KLHL32: variants seen among roughly 807,000 people sequenced by gnomAD.
KLHL32 encodes kelch-like protein 32.
KLHL32 carries 35 observed loss-of-function variants against 64.8 expected under a neutral mutation model. The ratio of observed to expected loss-of-function variants is 0.54; its 90% CI spans 0.41 to 0.72. The LOEUF (loss-of-function observed/expected upper bound fraction) is 0.72. KLHL32 is among the 30% of genes least tolerant of loss of function. The pLI is 0.00. For missense variants in KLHL32, 589 were observed against 768.5 expected, an observed-to-expected ratio of 0.77 and a Z score of 2.76; for synonymous variants, 259 against 281.0, an observed-to-expected ratio of 0.92 and a Z score of 0.78.
intron 3 of KLHL32, chr6:96,999,536 C>A (rs1280300983): frequency 1.0e-6 from 1 of 979,256 alleles, no homozygotes. Flanking sequence ...CAATTCCTGA[C>A]AGTATAAAAA....
intron 5 of KLHL32, among the ~76,000 whole-genome samples, chr6:97,066,304 G>A (rs1789732401): frequency 6.6e-6 from 1 of 152,196 alleles, no homozygotes; most frequent in African/African-American, 2.4e-5. Context: ...TGTATATGCA[G>A]GGGTGTGTGG....
intron 3 of KLHL32, among the ~76,000 whole-genome samples, chr6:96,991,507 C>T (rs1777874860): frequency 6.6e-6 from 1 of 152,106 alleles, no homozygotes. Flanking sequence ...GGGATTTCCT[C>T]CCCAAAGAAA....
At chr6:97,061,001 C>A (rs1788793621) in intron 4 of KLHL32, among the ~76,000 whole-genome samples, 1 of 152,090 alleles carries the variant, frequency 6.6e-6, no homozygotes, top group Non-Finnish European at 1.5e-5. Context: ...GGGCCAGACC[C>A]AAGTAATGAG....
chr6:96,988,611 C>T (rs1188449625), intron 3 of KLHL32, among the ~76,000 whole-genome samples: 1 of 152,166 alleles, frequency 6.6e-6, no homozygotes, highest in Non-Finnish European at 1.5e-5. Context: ...TGGGTATATA[C>T]CCAAAGGATT....
At chr6:97,096,386 A>G (rs1050058260) in intron 6 of KLHL32, among the ~76,000 whole-genome samples, 5 of 152,214 alleles carry the variant, frequency 3.3e-5, no homozygotes, top group South Asian at 4.1e-4. Context: ...TACTCCCACC[A>G]TTGGCTCGTT....
chr6:97,130,905 T>C lies in KLHL32; in HGVS notation c.1562T>C (p.Ile521Thr). The C allele has an allele frequency of 6.2e-7, 1 of 1,614,054 alleles. No homozygotes were observed. The highest frequency in any genetic ancestry group is 8.5e-7 in the Non-Finnish European group (1 of 1,179,950). ...GTGCGCCATATAGATTCTTACAACA[T>C]AGACACTGACCAGTGGACACGTTGT... is the stretch of plus-strand genomic sequence containing the variant. ...ILVRHIDSYN[I>T]DTDQWTRCNF... Residue 521 changes from isoleucine (I) to threonine (T), a missense_variant, in exon 9 of 11, where the codon ATA becomes ACA. This residue lies in a region of KLHL32 where 172 missense variants were observed against 192.0 expected (regional missense o/e 0.90). Coordinates refer to ENST00000369261, the MANE Select transcript of KLHL32 (RefSeq NM_052904.4).
At chr6:97,107,785 AAT>A in intron 6 of KLHL32, among the ~76,000 whole-genome samples, 1 of 152,342 alleles carries the variant, frequency 6.6e-6, no homozygotes, top group Non-Finnish European at 1.5e-5. Flanking sequence ...TAGATAAATA[AAT>A]ATGTGTGTAT....
intron 3 of KLHL32, among the ~76,000 whole-genome samples, chr6:97,026,758 T>G (rs1333944625): frequency 6.6e-6 from 1 of 152,214 alleles, no homozygotes; most frequent in African/African-American, 2.4e-5. Context: ...GTTAAAATTT[T>G]AAGAGCGATC....
intron 1 of KLHL32, among the ~76,000 whole-genome samples, chr6:96,931,358 G>A (rs1769864507): frequency 6.6e-6 from 1 of 152,116 alleles, no homozygotes; most frequent in Non-Finnish European, 1.5e-5. Flanking sequence ...TCACCCCCCG[G>A]CTCATGGGCT....
At chr6:97,074,919 C>G (rs1245968440) in intron 5 of KLHL32, among the ~76,000 whole-genome samples, 1 of 151,778 alleles carries the variant, frequency 6.6e-6, no homozygotes, top group African/African-American at 2.4e-5. Context: ...TTGGCAATCT[C>G]CTTACGTGCT....
the KLHL32 span, among the ~76,000 whole-genome samples, chr6:96,899,113 G>A: frequency 6.6e-6 from 1 of 152,188 alleles, no homozygotes; most frequent in Non-Finnish European, 1.5e-5. Context: ...CTGCAAGGAA[G>A]ACGGCTTCAG....
chr6:96,943,695 A>G (rs1389883299), intron 1 of KLHL32, among the ~76,000 whole-genome samples: 1 of 152,222 alleles, frequency 6.6e-6, no homozygotes, highest in Non-Finnish European at 1.5e-5. Flanking sequence ...CCTCGCACAA[A>G]CACATTTCAT....
At chr6:97,030,076 A>T (rs1783311632) in intron 3 of KLHL32, among the ~76,000 whole-genome samples, 1 of 152,194 alleles carries the variant, frequency 6.6e-6, no homozygotes, top group Admixed American at 6.5e-5. Context: ...CAATTCAGTT[A>T]TTTCACCTGT....
chr6:97,049,588 CG>C (rs1402181149), intron 4 of KLHL32, among the ~76,000 whole-genome samples: 3 of 50,404 alleles, frequency 6.0e-5, no homozygotes, highest in Non-Finnish European at 8.4e-5. Flanking sequence ...TAACGGGGGG[CG>C]GGGGGGAACT....
rs59274190 is a variant in KLHL32, at chr6:97,078,926, C to T, written c.412-6200C>T. 8.5e-3 allele frequency among the ~76,000 whole-genome samples: 1,295 copies of T among 152,274 alleles called. 21 individuals carry two copies. The highest frequency in any genetic ancestry group is 0.03 in the African/African-American group (1,246 of 41,552). Reference sequence around the variant, plus strand: ...TTATTGACAAGCCAGGGAGCCACGGCGGTAGCCAAAACTAAGACTATGTTT... The same window carrying T: ...TTATTGACAAGCCAGGGAGCCACGGTGGTAGCCAAAACTAAGACTATGTTT... On this transcript the variant is annotated intron_variant, in intron 5 of 10. Coordinates refer to ENST00000369261, the MANE Select transcript of KLHL32 (RefSeq NM_052904.4).
intron 6 of KLHL32, among the ~76,000 whole-genome samples, chr6:97,097,687 C>G (rs992045284): frequency 6.6e-6 from 1 of 151,870 alleles, no homozygotes; most frequent in Admixed American, 6.6e-5. Flanking sequence ...TCTAGAAGAG[C>G]ATTTTGCTTT....
At chr6:96,938,971 C>A (rs55953260) in intron 1 of KLHL32, among the ~76,000 whole-genome samples, 2 of 152,132 alleles carry the variant, frequency 1.3e-5, no homozygotes. Flanking sequence ...GACAGCAGGC[C>A]TTTCTTCCCA....
At chr6:96,986,031 G>GACGT (rs1408006493) in intron 3 of KLHL32, among the ~76,000 whole-genome samples, 1 of 152,146 alleles carries the variant, frequency 6.6e-6, no homozygotes, top group Non-Finnish European at 1.5e-5. Flanking sequence ...TGATGATGGT[G>GACGT]ACGTACAGAT....
At chr6:97,019,401 C>T (rs1781682590) in intron 3 of KLHL32, among the ~76,000 whole-genome samples, 1 of 152,192 alleles carries the variant, frequency 6.6e-6, no homozygotes, top group African/African-American at 2.4e-5. Flanking sequence ...GTGGACTCCA[C>T]AGGGAACACA....
Sources: gnomAD v4.1 joint callset for allele counts (sites outside exome capture counted in the v4.1 genomes callset) on GRCh38, gnomAD v4.1.1 for gene constraint, gnomAD v4.1.1 regional missense constraint, MANE v1.5 for transcripts, NCBI Gene and HGNC (gene_info 2026-07-23, HGNC 2026-07-21) for gene names.